The following UNC50 variants were observed in gnomAD, a reference collection of about 807,000 sequenced individuals.
UNC50 encodes protein unc-50 homolog.
UNC50 carries 24 observed loss-of-function variants against 31.5 expected under a neutral mutation model. That is an observed-to-expected ratio of 0.76 (90% CI 0.55 to 1.07). The LOEUF is 1.07. Among genes scored for constraint, UNC50 ranks in the 50% least tolerant of loss-of-function variants. The pLI is 0.00. For missense variants in UNC50, 245 were observed against 304.2 expected, an observed-to-expected ratio of 0.81 and a Z score of 1.45; for synonymous variants, 118 against 114.7, an observed-to-expected ratio of 1.03 and a Z score of -0.18.
In UNC50 at chr2:98,616,576, G is replaced by C. The variant is rs375128650; in HGVS notation, c.643+43G>C. On this transcript the variant is annotated intron_variant, in intron 5 of 5. Coordinates refer to ENST00000357765, the MANE Select transcript of UNC50 (RefSeq NM_014044.7). ...ATGTTTTTGGTTGAGAACATAGCAA[G>C]AGGGGGAAAGTTGTAACAGTAGTAC... 219 of 1,511,662 alleles carry C rather than the reference G, an allele frequency of 1.4e-4. 1 individual carries two copies. The highest frequency in any genetic ancestry group is 2.1e-5 in the Non-Finnish European group (23 of 1,091,884). The allele number at this position is 1,511,662 out of a possible 1,614,324, so 93.6% of individuals were successfully genotyped here. A position where few individuals can be genotyped will look rare whatever the true frequency, so the allele number is the denominator to read the frequency against.
rs1236583267 is a variant in UNC50, at chr2:98,610,815, C to T, written c.321C>T (p.Phe107=). The change falls in exon 3 of 6, where the codon TTC becomes TTT. Residue 107 remains phenylalanine, a synonymous_variant. Coordinates refer to ENST00000357765, the MANE Select transcript of UNC50 (RefSeq NM_014044.7). ...TTGGCTTTGTGCTGGACATGGGATT[C>T]TTTGAGACAATAAAGCTTCTCCTTT... ...IGFGFVLDMG[F]FETIKLLLWV... is the part of the protein sequence containing the mutation. 2 of 1,614,140 alleles carry T rather than the reference C, an allele frequency of 1.2e-6. No individual in the cohort carries two copies. Among genetic ancestry groups the T allele is most frequent in the South Asian group, 2.2e-5 (2 of 91,066 alleles).
Position 98,618,149 on chromosome 2 carries a change from G to C in UNC50, c.644-19G>C. On this transcript the variant is annotated intron_variant, in intron 5 of 5. Coordinates refer to ENST00000357765, the MANE Select transcript of UNC50 (RefSeq NM_014044.7). ...TTTTTTTTTTTTTTTAAATCAGTTT[G>C]GATTCCTTTCTTTTCCAGCATTGCC... 1 of 1,456,844 alleles carries C rather than the reference G, an allele frequency of 6.9e-7. No homozygotes were observed. Among genetic ancestry groups the C allele is most frequent in the Non-Finnish European group, 9.1e-7 (1 of 1,096,570 alleles). The allele number at this position is 1,456,844 out of a possible 1,614,324, so 90.2% of individuals were successfully genotyped here.
rs1489336661 is a variant in UNC50 at position 98,616,532 on chromosome 2, T to G, written c.642T>G (p.Ser214Arg). The G allele has an allele frequency of 6.2e-7, 1 of 1,610,468 alleles. No individual in the cohort carries two copies. The highest frequency in any genetic ancestry group is 8.5e-7 in the Non-Finnish European group (1 of 1,177,362). The change falls in exon 5 of 6, where the codon AGT (serine) becomes AGG (arginine). Residue 214 changes from serine to arginine, a missense_variant and splice_region_variant. Ser to Arg is a moderately radical substitution (Grantham distance 110). Coordinates refer to ENST00000357765, the MANE Select transcript of UNC50 (RefSeq NM_014044.7). ...YYIYVTFLGY[S>R]ALPFLKNTVI... The stretch of plus-strand genomic sequence containing the variant: ...TCTATGTAACTTTCCTGGGATACAG[T>G]GGTAAGTAATTTTTTTAAATGTTTT...
At chr2:98,614,905 C>T (rs919094772) in intron 3 of UNC50, among the ~76,000 whole-genome samples, 2 of 152,024 alleles carry the variant, frequency 1.3e-5, no homozygotes, top group Non-Finnish European at 2.9e-5. Context: ...GACGGAATAG[C>T]GTATTCTTAA....
In UNC50 at chr2:98,616,489, T is replaced by C; in HGVS notation, c.599T>C (p.Val200Ala). Residue 200 changes from valine to alanine, a missense_variant, in exon 5 of 6, where the codon GTT becomes GCT. Transcript: ENST00000357765. ...GYLVGNTLWL[V>A]AVGYYIYVTF... Reference sequence around the variant, plus strand: ...TTAGTTGGAAATACCTTATGGTTGGTTGCAGTTGGCTATTATATCTATGTA... The same window carrying C: ...TTAGTTGGAAATACCTTATGGTTGGCTGCAGTTGGCTATTATATCTATGTA... 6.2e-7 allele frequency: 1 copy of C among 1,614,114 alleles called. No individual in the cohort carries two copies. Among genetic ancestry groups the C allele is most frequent in the Non-Finnish European group, 8.5e-7 (1 of 1,179,972 alleles).
In UNC50 at chr2:98,618,369, A is replaced by AACTT. The variant is rs1256455481; in HGVS notation, c.*66_*69dup. Reference sequence around the variant, plus strand: ...ATTGTGAAGTGATCATTTCTTGTAAAACTTGTAAATAAACTATCATCTTTG... The same window carrying AACTT: ...ATTGTGAAGTGATCATTTCTTGTAAAACTTACTTGTAAATAAACTATCATCTTTG... On this transcript the variant is annotated 3_prime_UTR_variant, in exon 6 of 6. Coordinates refer to ENST00000357765, the MANE Select transcript of UNC50 (RefSeq NM_014044.7). 1 of 1,474,712 alleles carries AACTT rather than the reference A, an allele frequency of 6.8e-7. No homozygotes were observed. Among genetic ancestry groups the AACTT allele is most frequent in the East Asian group, 2.4e-5 (1 of 41,772 alleles). 91.4% of individuals were successfully genotyped at this position (1,474,712 alleles called of 1,614,324 possible).
intron 2 of UNC50, among the ~76,000 whole-genome samples, chr2:98,610,313 A>G (rs1700804460): frequency 6.6e-6 from 1 of 152,206 alleles, no homozygotes. Flanking sequence ...CCCAAATGTC[A>G]GCTGACTGTG....
Position 98,616,344 on chromosome 2 carries a change from A to C in UNC50, c.539A>C (p.Asn180Thr). ...CATTTTATCCAGCTTTTTTTCATCA[A>C]CCGTAAGTAGCAGTTAATTAGAGTA... ...ILHFIQLFFI[N>T]HVILTDTFIG... Residue 180 changes from asparagine to threonine, a missense_variant and splice_region_variant, in exon 4 of 6, where the codon AAC (asparagine) becomes ACC (threonine). Asn to Thr is a moderately conservative substitution (Grantham distance 65, BLOSUM62 0). Transcript: ENST00000357765. 1.2e-6 allele frequency: 2 copies of C among 1,613,908 alleles called. No individual in the cohort carries two copies. The highest frequency in any genetic ancestry group is 8.5e-7 in the Non-Finnish European group (1 of 1,179,966).
Position 98,618,138 on chromosome 2 carries a change from T to TAA in UNC50, c.644-28_644-27dup, listed in dbSNP as rs1553534036. 1,665 of 1,465,998 alleles carry TAA rather than the reference T, an allele frequency of 1.1e-3. 17 individuals carry two copies. In the African/African-American group the frequency reaches 0.021, roughly 19 times the overall value. 90.8% of individuals were successfully genotyped at this position (1,465,998 alleles called of 1,614,324 possible). ...TTAGTCATTTATTTTTTTTTTTTTT[T>TAA]AAATCAGTTTGGATTCCTTTCTTTT... On this transcript the variant is annotated intron_variant, in intron 5 of 5. Coordinates refer to ENST00000357765, the MANE Select transcript of UNC50 (RefSeq NM_014044.7).
At position 98,610,860 on chromosome 2, in the gene UNC50, T is replaced by C; in HGVS notation, c.366T>C (p.Cys122=). ...TCCTTTGGGTTGTACTCATAGATTG[T>C]GTAGGCGTTGGTCTTCTGATAGCAA... ...KLLLWVVLID[C]VGVGLLIATL... The change falls in exon 3 of 6, where the codon TGT becomes TGC. Residue 122 remains cysteine (C), a synonymous_variant. Coordinates refer to ENST00000357765, the MANE Select transcript of UNC50 (RefSeq NM_014044.7). 6.2e-7 allele frequency: 1 copy of C among 1,614,206 alleles called. No individual in the cohort carries two copies. Among genetic ancestry groups the C allele is most frequent in the Non-Finnish European group, 8.5e-7 (1 of 1,180,004 alleles).
At position 98,618,236 on chromosome 2, in the gene UNC50, CT is replaced by C. The variant is rs761346240; in HGVS notation, c.715del (p.Ser239ProfsTer20). On this transcript the variant is annotated frameshift_variant, in exon 6 of 6. Coordinates refer to ENST00000357765, the MANE Select transcript of UNC50 (RefSeq NM_014044.7). LOFTEE classifies it high-confidence loss of function. ...PFAPLILLYG[L>X]SLALGWNFTH... is the part of the protein sequence containing the mutation. Reference sequence around the variant, plus strand: ...TGCACCTCTGATTCTGCTCTACGGGCTTTCCCTGGCACTGGGATGGAACTTC... The same window carrying C: ...TGCACCTCTGATTCTGCTCTACGGGCTTCCCTGGCACTGGGATGGAACTTC... 1 of 1,612,098 alleles carries C rather than the reference CT, an allele frequency of 6.2e-7. No individual in the cohort carries two copies. The highest frequency in any genetic ancestry group is 2.2e-5 in the East Asian group (1 of 44,834).
At chr2:98,610,926 C>G in intron 3 of UNC50, 31 bp downstream of exon 3, 1 of 1,605,898 alleles carries the variant, frequency 6.2e-7, no homozygotes, top group East Asian at 2.2e-5. Context: ...TTTTCAGATA[C>G]TGCTGTAGCA....
chr2:98,616,152 G>A (rs1181318875), intron 3 of UNC50, 55 bp from the exon 4 acceptor site: 1 of 1,560,582 alleles, frequency 6.4e-7, no homozygotes, highest in South Asian at 1.2e-5. Context: ...AAAGTCGTCA[G>A]TAAACATTTA....
chr2:98,614,330 A>C (rs1044925066), intron 3 of UNC50, among the ~76,000 whole-genome samples: 2 of 152,310 alleles, frequency 1.3e-5, no homozygotes, highest in East Asian at 1.9e-4. Context: ...AGGGGGGATC[A>C]GGAAGAGGGA....
At chr2:98,616,908 G>A (rs937203707) in intron 5 of UNC50, among the ~76,000 whole-genome samples, 2 of 152,160 alleles carry the variant, frequency 1.3e-5, no homozygotes, top group African/African-American at 4.8e-5. Context: ...CCAGCAGGAG[G>A]GTAGAGCGAA....
chr2:98,616,587 T>C, intron 5 of UNC50, 54 bp downstream of exon 5: 1 of 1,429,698 alleles, frequency 7.0e-7, no homozygotes, highest in African/African-American at 1.4e-5. Context: ...AGGGGGAAAG[T>C]TGTAACAGTA....
chr2:98,609,634 T>A (rs1171084300), intron 1 of UNC50, 122 bp from the exon 2 acceptor site: 5 of 1,496,202 alleles, frequency 3.3e-6, no homozygotes, highest in Non-Finnish European at 4.5e-6. Context: ...ACTCCTGGCC[T>A]TTCTCTAGGG....
At chr2:98,615,870 C>A (rs1324949100) in intron 3 of UNC50, among the ~76,000 whole-genome samples, 1 of 152,240 alleles carries the variant, frequency 6.6e-6, no homozygotes, top group African/African-American at 2.4e-5. Context: ...TGCTCCTTTT[C>A]TTTCAGACAC....
In UNC50 at chr2:98,616,541, A is replaced by C. The variant is rs1700925357; in HGVS notation, c.643+8A>C. 1 of 1,606,108 alleles carries C rather than the reference A, an allele frequency of 6.2e-7. No individual in the cohort carries two copies. Among genetic ancestry groups the C allele is most frequent in the Non-Finnish European group, 8.5e-7 (1 of 1,173,926 alleles). ...CTTTCCTGGGATACAGTGGTAAGTA[A>C]TTTTTTTAAATGTTTTTGGTTGAGA... On this transcript the variant is annotated splice_region_variant and intron_variant, in intron 5 of 5. Coordinates refer to ENST00000357765, the MANE Select transcript of UNC50 (RefSeq NM_014044.7).
Sources: gnomAD v4.1 joint callset for allele counts (sites outside exome capture counted in the v4.1 genomes callset) on GRCh38, gnomAD v4.1.1 for gene constraint, MANE v1.5 for transcripts, NCBI Gene and HGNC (gene_info 2026-07-23, HGNC 2026-07-21) for gene names.